NCAM2: variants seen among roughly 807,000 people sequenced by gnomAD.
The protein encoded by NCAM2 is N-CAM-2.
In NCAM2, 30 loss-of-function variants were observed where a neutral mutation model predicts 98.1. That is an observed-to-expected ratio of 0.31 (90% confidence interval 0.23 to 0.41). NCAM2 has a LOEUF of 0.41. Ranked by LOEUF, NCAM2 falls within the 10% of genes least tolerant of loss-of-function variation. NCAM2 has a pLI of 1.00. For synonymous variants in NCAM2, 368 were observed against 342.4 expected, an observed-to-expected ratio of 1.07 and a Z score of -0.83; for missense variants, 867 against 1,005.8, an observed-to-expected ratio of 0.86 and a Z score of 1.87.
At chr21:21,102,616 A>G (rs1248635776) in intron 1 of NCAM2, among the ~76,000 whole-genome samples, 1 of 151,702 alleles carries the variant, frequency 6.6e-6, no homozygotes, top group African/African-American at 2.4e-5. Context: ...CTCTGTGATA[A>G]GTTTTGAGGG....
intron 1 of NCAM2, among the ~76,000 whole-genome samples, chr21:21,165,657 G>A (rs1404230158): frequency 6.6e-6 from 1 of 151,996 alleles, no homozygotes; most frequent in African/African-American, 2.4e-5. Context: ...CTGGCCCTTG[G>A]CATACACTCT....
At chr21:21,089,375 A>AT (rs1311867714) in intron 1 of NCAM2, among the ~76,000 whole-genome samples, 3 of 152,050 alleles carry the variant, frequency 2.0e-5, no homozygotes, top group African/African-American at 7.2e-5. Flanking sequence ...ACCTATGAGA[A>AT]TTTTCTCTCC....
intron 10 of NCAM2, among the ~76,000 whole-genome samples, chr21:21,416,529 T>C (rs930681882): frequency 2.8e-5 from 4 of 140,982 alleles, no homozygotes; most frequent in Non-Finnish European, 4.7e-5. Context: ...AAAAACACTA[T>C]CTTTCAAGCA....
At chr21:21,289,870 G>A (rs942832883) in intron 4 of NCAM2, among the ~76,000 whole-genome samples, 17 of 151,944 alleles carry the variant, frequency 1.1e-4, no homozygotes, top group African/African-American at 3.9e-4. Context: ...CAACAAATTA[G>A]ATGGGAGTCA....
chr21:21,033,341 T>G (rs1398700776), intron 1 of NCAM2, among the ~76,000 whole-genome samples: 1 of 152,166 alleles, frequency 6.6e-6, no homozygotes, highest in Non-Finnish European at 1.5e-5. Flanking sequence ...ATTTGTCCCC[T>G]GAAACTTTGA....
intron 1 of NCAM2, among the ~76,000 whole-genome samples, chr21:21,006,811 TTTG>T (rs1195315515): frequency 1.3e-5 from 2 of 152,170 alleles, no homozygotes; most frequent in African/African-American, 2.4e-5. Flanking sequence ...TTTTGTTTAC[TTTG>T]TTGTTTTTAT....
chr21:21,280,178 G>A (rs1206896742), intron 1 of NCAM2, among the ~76,000 whole-genome samples: 1 of 151,926 alleles, frequency 6.6e-6, no homozygotes, highest in Non-Finnish European at 1.5e-5. Context: ...GCGTGTGTGT[G>A]TGTGTGTGTG....
intron 1 of NCAM2, among the ~76,000 whole-genome samples, chr21:21,024,454 C>A (rs1158382059): frequency 1.3e-5 from 2 of 152,088 alleles, no homozygotes; most frequent in Non-Finnish European, 2.9e-5. Flanking sequence ...ATACAACATC[C>A]TGATTTTACA....
At chr21:21,370,323 A>T (rs2075887163) in intron 8 of NCAM2, among the ~76,000 whole-genome samples, 1 of 151,870 alleles carries the variant, frequency 6.6e-6, no homozygotes, top group African/African-American at 2.4e-5. Flanking sequence ...ATGTAAAAGT[A>T]AACGTGCTAA....
At chr21:21,238,552 A>AT (rs200624034) in intron 1 of NCAM2, among the ~76,000 whole-genome samples, 152,061 of 152,064 alleles carry the variant, frequency 1, 76,029 homozygotes, top group Middle Eastern at 1. Context: ...AACAGTGAAC[A>AT]TTTAGTTTGG....
At chr21:21,401,007 TAAAGA>T (rs1413273741) in intron 9 of NCAM2, among the ~76,000 whole-genome samples, 2 of 152,100 alleles carry the variant, frequency 1.3e-5, no homozygotes, top group African/African-American at 4.8e-5. Context: ...CTAAATTCTT[TAAAGA>T]AAAGAAAAAA....
chr21:21,110,549 G>A (rs2066433918), intron 1 of NCAM2, among the ~76,000 whole-genome samples: 1 of 151,420 alleles, frequency 6.6e-6, no homozygotes, highest in Admixed American at 6.6e-5. Flanking sequence ...GGGTATACCA[G>A]ATTAATGCAA....
intron 14 of NCAM2, among the ~76,000 whole-genome samples, chr21:21,472,098 A>G (rs1213426028): frequency 1.3e-5 from 2 of 152,058 alleles, no homozygotes; most frequent in Non-Finnish European, 2.9e-5. Flanking sequence ...AGATTTTTAC[A>G]TGTTTCCATG....
intron 1 of NCAM2, among the ~76,000 whole-genome samples, chr21:21,085,400 C>T (rs1233194689): frequency 5.3e-5 from 8 of 152,046 alleles, no homozygotes; most frequent in Admixed American, 2.0e-4. Context: ...ACATCTGCTC[C>T]GATTATCTCT....
chr21:21,473,812 A>G (rs1257560347), intron 14 of NCAM2, among the ~76,000 whole-genome samples: 1 of 151,710 alleles, frequency 6.6e-6, no homozygotes, highest in Non-Finnish European at 1.5e-5. Flanking sequence ...TAGAGATGAT[A>G]GCCAATACTT....
At chr21:21,267,844 T>A (rs976460717) in intron 1 of NCAM2, among the ~76,000 whole-genome samples, 12 of 152,152 alleles carry the variant, frequency 7.9e-5, no homozygotes, top group African/African-American at 2.9e-4. Flanking sequence ...TGTAAGAAAG[T>A]CCTAAAGACA....
chr21:21,395,023 TC>T (rs1020256954), intron 9 of NCAM2, among the ~76,000 whole-genome samples: 6 of 152,194 alleles, frequency 3.9e-5, no homozygotes, highest in African/African-American at 1.4e-4. Context: ...CATTGTTCTT[TC>T]CCTCATTGAA....
chr21:21,397,305 C>T (rs73324813), intron 9 of NCAM2, among the ~76,000 whole-genome samples: 2,668 of 152,248 alleles, frequency 0.018, 83 homozygotes, highest in African/African-American at 0.061. Flanking sequence ...AAGGTGGACC[C>T]TCAGCTTTCT....
chr21:21,383,224 T>C (rs1328106977), intron 9 of NCAM2, among the ~76,000 whole-genome samples: 1 of 152,180 alleles, frequency 6.6e-6, no homozygotes, highest in Admixed American at 6.5e-5. Flanking sequence ...AGTTTTGTGT[T>C]CCATCCTGTC....
Sources: allele counts gnomAD v4.1 joint callset (sites outside exome capture counted in the v4.1 genomes callset), GRCh38; gene constraint gnomAD v4.1.1; transcripts MANE v1.5; gene names NCBI Gene and HGNC (gene_info 2026-07-23, HGNC 2026-07-21).